The following TSPAN7 variants were observed in gnomAD, a reference collection of about 807,000 sequenced individuals.
The protein encoded by TSPAN7 is tetraspanin 7.
In TSPAN7, 1 loss-of-function variant was observed where a neutral mutation model predicts 17.6. The ratio of observed to expected loss-of-function variants is 0.06; its 90% CI spans 0.02 to 0.27. The LOEUF (loss-of-function observed/expected upper bound fraction) is 0.27. TSPAN7 is among the 10% of genes least tolerant of loss of function. The pLI, the probability that TSPAN7 is intolerant of heterozygous loss-of-function variation, is 1.00. For synonymous variants in TSPAN7, 78 were observed against 79.0 expected (o/e 0.99, Z 0.07); for missense variants, 112 against 201.7 (o/e 0.56, Z 2.69).
intron 1 of TSPAN7, among the ~76,000 whole-genome samples, chrX:38,610,686 C>T (rs2069413274): frequency 8.9e-6 from 1 of 111,759 alleles, no homozygotes; most frequent in African/African-American, 3.3e-5. Flanking sequence ...TTATCAGAAA[C>T]ATCTGATGAA....
chrX:38,567,092 AT>A lies in TSPAN7; in HGVS notation c.81+5476del, dbSNP rs71991328. ...TTTTCTGGAAAAATAATTTAAAACA[AT>A]TTTTTTTTTTGTCCAGAAAGTTTAG... On this transcript the variant is annotated intron_variant, in intron 1 of 7. Coordinates refer to ENST00000378482, the MANE Select transcript of TSPAN7 (RefSeq NM_004615.4). 1.2e-3 allele frequency among the ~76,000 whole-genome samples: 129 copies of A among 106,401 alleles called. 1 individual carries two copies. The highest frequency in any genetic ancestry group is 3.9e-3 in the African/African-American group (113 of 29,234). 92.4% of individuals were successfully genotyped at this position (106,401 alleles called of 115,157 possible).
chrX:38,573,477 A>G (rs2069179717), intron 1 of TSPAN7, among the ~76,000 whole-genome samples: 1 of 112,109 alleles, frequency 8.9e-6, no homozygotes, highest in Admixed American at 9.4e-5. Flanking sequence ...CAGAAAAATT[A>G]TAGAGATAGT....
intron 1 of TSPAN7, among the ~76,000 whole-genome samples, chrX:38,580,932 C>A (rs1279654943): frequency 8.9e-6 from 1 of 111,841 alleles, no homozygotes; most frequent in Non-Finnish European, 1.9e-5. Flanking sequence ...GGGATAAATT[C>A]TCACTGACTC....
intron 1 of TSPAN7, among the ~76,000 whole-genome samples, chrX:38,564,735 A>G (rs1326653793): frequency 3.6e-5 from 4 of 111,879 alleles, no homozygotes; most frequent in Non-Finnish European, 5.6e-5. Flanking sequence ...AATGATGCTG[A>G]GTGTCTTTTT....
chrX:38,605,646 C>T (rs2147414021), intron 1 of TSPAN7, among the ~76,000 whole-genome samples: 1 of 108,365 alleles, frequency 9.2e-6, no homozygotes, highest in East Asian at 3.0e-4. Flanking sequence ...CATCACACTA[C>T]CTGACTTCAA....
chrX:38,597,301 A>T (rs769051068), intron 1 of TSPAN7, among the ~76,000 whole-genome samples: 1 of 111,041 alleles, frequency 9.0e-6, no homozygotes, highest in East Asian at 2.8e-4. Flanking sequence ...TTCAGCTCTC[A>T]TACTATAAAC....
intron 1 of TSPAN7, among the ~76,000 whole-genome samples, chrX:38,569,916 C>T (rs1336094518): frequency 2.7e-5 from 3 of 111,607 alleles, no homozygotes; most frequent in South Asian, 3.8e-4. Context: ...CAGCAATAGT[C>T]GGGCTATTCT....
intron 1 of TSPAN7, among the ~76,000 whole-genome samples, chrX:38,652,763 T>C (rs1375069876): frequency 8.9e-6 from 1 of 112,150 alleles, no homozygotes; most frequent in East Asian, 2.8e-4. Context: ...TAGAGTCCGT[T>C]TCTTCCCACT....
rs1012652239 is a variant in TSPAN7, at chrX:38,584,166, G to C, written c.81+22539G>C. 1.8e-4 allele frequency among the ~76,000 whole-genome samples: 20 copies of C among 108,970 alleles called. 1 individual carries two copies. The highest frequency in any genetic ancestry group is 1.7e-3 in the Admixed American group (17 of 10,180). 94.6% of individuals were successfully genotyped at this position (108,970 alleles called of 115,157 possible). Reference sequence around the variant, plus strand: ...GACGGGGTTTCACCGTGTTAGCCAGGATGGTCTCGATTTCCTGACCTCATG... The same window carrying C: ...GACGGGGTTTCACCGTGTTAGCCAGCATGGTCTCGATTTCCTGACCTCATG... On this transcript the variant is annotated intron_variant, in intron 1 of 7. Coordinates refer to ENST00000378482, the MANE Select transcript of TSPAN7 (RefSeq NM_004615.4).
At chrX:38,571,305 A>G (rs183474544) in intron 1 of TSPAN7, among the ~76,000 whole-genome samples, 3 of 111,403 alleles carry the variant, frequency 2.7e-5, no homozygotes, top group Non-Finnish European at 5.7e-5. Context: ...GGGGCCCTAA[A>G]GAAGATACTT....
In TSPAN7 at chrX:38,582,838, C is replaced by T. The variant is rs758505191; in HGVS notation, c.81+21211C>T. On this transcript the variant is annotated intron_variant, in intron 1 of 7. Coordinates refer to ENST00000378482, the MANE Select transcript of TSPAN7 (RefSeq NM_004615.4). ...AATCTTTTCTTGTGTCTATTGTATC[C>T]AGTTGCCTCAACTATAAATCCTAGG... Among the ~76,000 whole-genome samples the T allele has an allele frequency of 1.2e-4, 13 of 111,715 alleles. No homozygotes were observed. In the East Asian group the frequency reaches 3.4e-3, roughly 29 times the overall value.
chrX:38,663,152 TACACAC>T lies in TSPAN7; in HGVS notation c.82-2945_82-2940del, dbSNP rs56867751. 2.9e-3 allele frequency among the ~76,000 whole-genome samples: 296 copies of T among 100,868 alleles called. 2 individuals are homozygous for T. The highest frequency in any genetic ancestry group is 3.8e-3 in the Non-Finnish European group (192 of 50,149). 87.6% of individuals were successfully genotyped at this position (100,868 alleles called of 115,157 possible). ...GAGTGGATAAAGAAAATGTGGTGTA[TACACAC>T]ACACACACACACACACACACACAGA... On this transcript the variant is annotated intron_variant, in intron 1 of 7. Transcript: ENST00000378482.
At chrX:38,682,225 A>T (rs2147458652) in intron 6 of TSPAN7, among the ~76,000 whole-genome samples, 1 of 112,100 alleles carries the variant, frequency 8.9e-6, no homozygotes, top group African/African-American at 3.2e-5. Flanking sequence ...GGTGTCTACA[A>T]CAAACCACAA....
chrX:38,639,370 C>T (rs1018238314), intron 1 of TSPAN7, among the ~76,000 whole-genome samples: 1 of 107,886 alleles, frequency 9.3e-6, no homozygotes, highest in East Asian at 2.9e-4. Flanking sequence ...TTCCACTGAG[C>T]GTAGCACACA....
intron 1 of TSPAN7, among the ~76,000 whole-genome samples, chrX:38,659,034 ACACACC>A (rs1202781574): frequency 4.7e-5 from 4 of 85,073 alleles, no homozygotes; most frequent in African/African-American, 8.6e-5. Context: ...ACACACACAC[ACACACC>A]CACAGACGTA....
intron 1 of TSPAN7, among the ~76,000 whole-genome samples, chrX:38,621,347 T>C (rs1001618902): frequency 1.8e-5 from 2 of 112,398 alleles, no homozygotes; most frequent in Non-Finnish European, 3.8e-5. Flanking sequence ...GGTAGTCTTT[T>C]TAACTTTTAG....
chrX:38,647,894 A>AG (rs2069653760), intron 1 of TSPAN7, among the ~76,000 whole-genome samples: 1 of 111,898 alleles, frequency 8.9e-6, no homozygotes, highest in African/African-American at 3.3e-5. Context: ...GTTGAGCACA[A>AG]GTCAGATACA....
At chrX:38,646,146 TA>T (rs752134715) in intron 1 of TSPAN7, 2,353 of 558,443 alleles carry the variant, frequency 4.2e-3, no homozygotes, top group South Asian at 6.6e-3. Flanking sequence ...GTACTTTCTA[TA>T]AAAAAAAAAC....
intron 1 of TSPAN7, among the ~76,000 whole-genome samples, chrX:38,618,181 A>T (rs1297425147): frequency 9.0e-6 from 1 of 111,706 alleles, no homozygotes; most frequent in African/African-American, 3.3e-5. Flanking sequence ...GACTTCAATA[A>T]GCATGTTAGG....
Sources: allele counts gnomAD v4.1 joint callset (sites outside exome capture counted in the v4.1 genomes callset), GRCh38; gene constraint gnomAD v4.1.1; transcripts MANE v1.5; gene names NCBI Gene and HGNC (gene_info 2026-07-23, HGNC 2026-07-21).